EFCAB13: variants seen among roughly 807,000 people sequenced by gnomAD.
EFCAB13 encodes the protein EF-hand calcium binding domain 13.
A neutral mutation model predicts 110.2 loss-of-function variants in EFCAB13; 91 were observed. The observed-to-expected ratio is 0.83, with a 90% CI of 0.70 to 0.98. The LOEUF is 0.98. Among genes scored for constraint, EFCAB13 ranks in the 50% least tolerant of loss-of-function variants. EFCAB13 has a pLI of 0.00. For missense variants in EFCAB13, 968 were observed against 1,119.4 expected (o/e 0.86, Z 1.93); for synonymous variants, 323 against 369.9 (o/e 0.87, Z 1.45).
At chr17:47,359,074 TG>T (rs1232041882) in intron 9 of EFCAB13, among the ~76,000 whole-genome samples, 1 of 152,234 alleles carries the variant, frequency 6.6e-6, no homozygotes. Context: ...GGCTCATGCC[TG>T]TAGTCCCAGC....
At chr17:47,340,438 C>A (rs2065377418) in intron 5 of EFCAB13, among the ~76,000 whole-genome samples, 2 of 151,926 alleles carry the variant, frequency 1.3e-5, no homozygotes, top group African/African-American at 4.8e-5. Context: ...ACTGTAGTGT[C>A]TATTATAATC....
chr17:47,385,639 C>T (rs1343724000), intron 14 of EFCAB13, among the ~76,000 whole-genome samples: 1 of 152,008 alleles, frequency 6.6e-6, no homozygotes, highest in Non-Finnish European at 1.5e-5. Flanking sequence ...CTGAAGCCTA[C>T]GTCTGTCAAA....
chr17:47,410,118 TA>T (rs113027978), intron 21 of EFCAB13, among the ~76,000 whole-genome samples: 159 of 140,278 alleles, frequency 1.1e-3, no homozygotes, highest in Non-Finnish European at 1.6e-3. Context: ...ATAATTTGTA[TA>T]AAAAAAAAAA....
intron 14 of EFCAB13, among the ~76,000 whole-genome samples, chr17:47,380,006 T>A (rs2065637917): frequency 6.6e-6 from 1 of 152,202 alleles, no homozygotes; most frequent in Admixed American, 6.5e-5. Context: ...TGGTGAAGTG[T>A]CTGGATTTAT....
chr17:47,334,947 TAGACATATTCATA>T (rs1362547063), intron 4 of EFCAB13, among the ~76,000 whole-genome samples: 1 of 152,150 alleles, frequency 6.6e-6, no homozygotes, highest in African/African-American at 2.4e-5. Context: ...CAATAACTGT[TAGACATATTCATA>T]AATGATGTTC....
intron 10 of EFCAB13, among the ~76,000 whole-genome samples, 171 bp from the exon 11 acceptor site, chr17:47,370,266 G>A (rs979448113): frequency 3.9e-5 from 6 of 152,076 alleles, no homozygotes; most frequent in African/African-American, 1.2e-4. Context: ...TCTTATGTTG[G>A]GCGTGTACTG....
intron 17 of EFCAB13, among the ~76,000 whole-genome samples, chr17:47,397,705 C>A (rs1261621809): frequency 6.6e-6 from 1 of 151,290 alleles, no homozygotes; most frequent in Non-Finnish European, 1.5e-5. Context: ...CCGGCCGCGA[C>A]CCCATCTGGG....
chr17:47,344,099 C>A, intron 6 of EFCAB13, 63 bp from the exon 7 acceptor site: 1 of 1,538,848 alleles, frequency 6.5e-7, no homozygotes, highest in East Asian at 2.3e-5. Flanking sequence ...TTGTATCATC[C>A]AAGAATGCTG....
intron 6 of EFCAB13, among the ~76,000 whole-genome samples, chr17:47,343,672 C>A (rs2065398388): frequency 6.6e-6 from 1 of 152,140 alleles, no homozygotes; most frequent in African/African-American, 2.4e-5. Context: ...TTCCTATCCA[C>A]CTAGTGCTTG....
chr17:47,409,765 A>C lies in EFCAB13; in HGVS notation c.2278+74A>C, dbSNP rs548073451. ...TTTTTAGAATAATTGCCAAGTACCA[A>C]TGTATTTCTCATTTTTCCTGCTGAC... On this transcript the variant is annotated intron_variant, in intron 21 of 24. Transcript: ENST00000331493. 3 of 1,178,698 alleles carry C rather than the reference A, an allele frequency of 2.5e-6. No homozygotes were observed. In the African/African-American group the frequency reaches 4.5e-5, roughly 18 times the overall value. The allele number at this position is 1,178,698 out of a possible 1,614,324, so 73.0% of individuals were successfully genotyped here.
rs149824416 is a variant in EFCAB13, at chr17:47,385,022, C to T, written c.1582+5769C>T. 2.3e-3 allele frequency among the ~76,000 whole-genome samples: 347 copies of T among 152,308 alleles called. 11 individuals carry two copies. The East Asian group carries it at 0.054, about 24-fold the overall frequency. On this transcript the variant is annotated intron_variant, in intron 14 of 24. Coordinates refer to ENST00000331493, the MANE Select transcript of EFCAB13 (RefSeq NM_152347.5). ...TCCTGACCTTGTGATCCGCCCGCCT[C>T]GGGCTCCCAAAGTGCTGGAATTACA...
intron 24 of EFCAB13, among the ~76,000 whole-genome samples, chr17:47,438,498 C>CTTTTTTT (rs112384926): frequency 7.0e-6 from 1 of 142,340 alleles, no homozygotes; most frequent in Non-Finnish European, 1.5e-5. Context: ...TAGTCTTATT[C>CTTTTTTT]TTTTTTTTTT....
chr17:47,331,005 T>C (rs1442900012), intron 4 of EFCAB13, among the ~76,000 whole-genome samples: 1 of 152,090 alleles, frequency 6.6e-6, no homozygotes, highest in Non-Finnish European at 1.5e-5. Context: ...TTTTAATTTG[T>C]ATTTCCCTGG....
At chr17:47,429,042 G>A (rs1181749381) in intron 23 of EFCAB13, among the ~76,000 whole-genome samples, 1 of 152,024 alleles carries the variant, frequency 6.6e-6, no homozygotes, top group Non-Finnish European at 1.5e-5. Context: ...ACATTGGAGC[G>A]TGGTTTGTCC....
rs183471147 is a variant in EFCAB13, at chr17:47,376,885, T to C, written c.1373-881T>C. The stretch of plus-strand genomic sequence containing the variant: ...GACTAGTTGTCTTGTATAATACTCT[T>C]CATTTTGGATTTTTCTTTTATTCCT... On this transcript the variant is annotated intron_variant, in intron 12 of 24. Coordinates refer to ENST00000331493, the MANE Select transcript of EFCAB13 (RefSeq NM_152347.5). Among the ~76,000 whole-genome samples, 12 of 152,342 alleles carry C rather than the reference T, an allele frequency of 7.9e-5. No homozygotes were observed. The East Asian group carries it at 2.3e-3, about 29-fold the overall frequency.
intron 2 of EFCAB13, among the ~76,000 whole-genome samples, chr17:47,326,012 C>T (rs1039382363): frequency 1.4e-5 from 2 of 140,916 alleles, no homozygotes; most frequent in African/African-American, 5.3e-5. Context: ...TAGGAGAGAA[C>T]CTAGTGCACA....
intron 3 of EFCAB13, among the ~76,000 whole-genome samples, chr17:47,326,737 G>A (rs1324463828): frequency 6.6e-5 from 10 of 152,176 alleles, no homozygotes; most frequent in African/African-American, 1.7e-4. Flanking sequence ...AAGAGATTAC[G>A]TAGGATGGGT....
chr17:47,402,148 A>G lies in EFCAB13; in HGVS notation c.1962A>G (p.Gln654=). The G allele has an allele frequency of 3.7e-6, 6 of 1,614,000 alleles. No homozygotes were observed. The East Asian group carries it at 8.9e-5, about 24-fold the overall frequency. Residue 654 remains glutamine (Q), a synonymous_variant, in exon 18 of 25, where the codon CAA becomes CAG. Transcript: ENST00000331493. ...LVTVDEGDKV[Q]FEEFAKVVRN... ...TTCTCACAGAAGGTGACAAAGTACA[A>G]TTTGAAGAATTTGCAAAAGTAGTAA...
intron 9 of EFCAB13, among the ~76,000 whole-genome samples, chr17:47,351,279 C>CTGTGTGTG (rs140772791): frequency 0.13 from 16,840 of 127,538 alleles, 1,140 homozygotes; most frequent in African/African-American, 0.15. Flanking sequence ...TAGTATTCCA[C>CTGTGTGTG]TGTGTGTGTG....
Sources: gnomAD v4.1 joint callset for allele counts (sites outside exome capture counted in the v4.1 genomes callset) on GRCh38, gnomAD v4.1.1 for gene constraint, MANE v1.5 for transcripts, NCBI Gene and HGNC (gene_info 2026-07-23, HGNC 2026-07-21) for gene names.